SCN7A: variants seen among roughly 807,000 people sequenced by gnomAD.
SCN7A encodes the protein sodium channel protein type 7 subunit alpha.
SCN7A carries 138 observed loss-of-function variants against 155.2 expected under a neutral mutation model. The observed-to-expected ratio is 0.89, with a 90% CI of 0.77 to 1.02. SCN7A has a LOEUF of 1.02. SCN7A is among the 50% of genes least tolerant of loss of function. The probability of loss-of-function intolerance (pLI) is 0.00; values close to 1 mark genes in which losing one functional copy is unlikely to be tolerated. For synonymous variants in SCN7A, 693 were observed against 649.0 expected, an observed-to-expected ratio of 1.07 and a Z score of -1.03; for missense variants, 2,058 against 1,986.6, an observed-to-expected ratio of 1.04 and a Z score of -0.68.
At position 166,404,993 on chromosome 2, in the gene SCN7A, T is replaced by C. The variant is rs1284445971; in HGVS notation, c.*587A>G. On this transcript the variant is annotated 3_prime_UTR_variant, in exon 26 of 26. Coordinates refer to ENST00000643258, the MANE Select transcript of SCN7A (RefSeq NM_002976.4). ...CCAGTTCCAAATGAAAACAAGAACA[T>C]ACAAAAATAAACACAGAGCTTCAAC... 1 of 151,844 alleles carries C rather than the reference T, an allele frequency of 6.6e-6. No homozygotes were observed. The highest frequency in any genetic ancestry group is 2.4e-5 in the African/African-American group (1 of 41,370). 9.4% of individuals were successfully genotyped at this position (151,844 alleles called of 1,614,324 possible).
chr2:166,414,004 A>ATATAT (rs1559087806), intron 21 of SCN7A, among the ~76,000 whole-genome samples: 2 of 45,806 alleles, frequency 4.4e-5, no homozygotes, highest in East Asian at 4.1e-4. Context: ...TATATATATA[A>ATATAT]ATATACTATA....
intron 15 of SCN7A, among the ~76,000 whole-genome samples, chr2:166,433,814 T>C (rs1279062617): frequency 6.6e-6 from 1 of 152,170 alleles, no homozygotes; most frequent in Non-Finnish European, 1.5e-5. Context: ...GGAAGGTTAG[T>C]TGATTATCTG....
At chr2:166,470,571 A>G in intron 7 of SCN7A, 44 bp downstream of exon 7, 1 of 1,507,728 alleles carries the variant, frequency 6.6e-7, no homozygotes, top group Non-Finnish European at 9.1e-7. Flanking sequence ...ACATGGCAGT[A>G]CATAAAACAA....
rs1210182842 is a variant in SCN7A at position 166,447,630 on chromosome 2, T to C, written c.1369A>G (p.Thr457Ala). The C allele has an allele frequency of 1.2e-6, 2 of 1,610,344 alleles. No homozygotes were observed. The highest frequency in any genetic ancestry group is 1.3e-5 in the African/African-American group (1 of 74,976). The change falls in exon 12 of 26, where the codon ACT becomes GCT. Residue 457 changes from threonine (T) to alanine (A), a missense_variant. Transcript: ENST00000643258. ...ACTTTACCTTCCTTATGTCTGAGAG[T>C]AGCATCTTCCAACACATCCAATGAT... ...DTSLDVLEDATLRHKEELEKS... is the reference protein window; with the variant it reads ...DTSLDVLEDAALRHKEELEKS...
At position 166,409,940 on chromosome 2, in the gene SCN7A, G is replaced by C; in HGVS notation, c.3712-5C>G. ...GATGAATCCTTGGAGCTTGTTCTGT[G>C]GGTAAAATCAACAGGTGTAATAGTC... On this transcript the variant is annotated splice_polypyrimidine_tract_variant and splice_region_variant and intron_variant, in intron 24 of 25. Coordinates refer to ENST00000643258, the MANE Select transcript of SCN7A (RefSeq NM_002976.4). The C allele has an allele frequency of 6.4e-7, 1 of 1,552,292 alleles. No individual in the cohort carries two copies. The highest frequency in any genetic ancestry group is 8.7e-7 in the Non-Finnish European group (1 of 1,147,338).
intron 23 of SCN7A, among the ~76,000 whole-genome samples, chr2:166,410,858 G>A (rs1701187456): frequency 6.6e-6 from 1 of 151,766 alleles, no homozygotes; most frequent in African/African-American, 2.4e-5. Context: ...TCATTTTTGT[G>A]TTTCTAGTGC....
At chr2:166,436,744 AG>A (rs1701847637) in intron 15 of SCN7A, among the ~76,000 whole-genome samples, 1 of 152,182 alleles carries the variant, frequency 6.6e-6, no homozygotes, top group Admixed American at 6.5e-5. Flanking sequence ...GTTCAGGCTG[AG>A]GTGGTCTCAG....
Position 166,477,555 on chromosome 2 carries a change from T to G in SCN7A, c.142A>C (p.Lys48Gln), listed in dbSNP as rs1702826736. The G allele has an allele frequency of 1.3e-6, 2 of 1,570,716 alleles. No individual in the cohort carries two copies. Among genetic ancestry groups the G allele is most frequent in the Admixed American group, 1.9e-5 (1 of 53,484 alleles). Residue 48 changes from lysine (K) to glutamine (Q), a missense_variant, in exon 3 of 26, where the codon AAA becomes CAA. Coordinates refer to ENST00000643258, the MANE Select transcript of SCN7A (RefSeq NM_002976.4). ...LKPTPDLEVG[K>Q]KLPFIYGNLS... ...TTTCCATAAATAAATGGAAGCTTTT[T>G]GCCAACTTCCAAATCAGGAGTTGGC...
intron 18 of SCN7A, among the ~76,000 whole-genome samples, chr2:166,425,650 A>G (rs959923483): frequency 1.3e-5 from 2 of 152,038 alleles, no homozygotes; most frequent in African/African-American, 4.8e-5. Flanking sequence ...CTGTCTTCAA[A>G]GGATGACACC....
intron 9 of SCN7A, among the ~76,000 whole-genome samples, chr2:166,464,192 A>ATG (rs1338530055): frequency 6.6e-6 from 1 of 151,110 alleles, no homozygotes; most frequent in Non-Finnish European, 1.5e-5. Context: ...GTATATATGT[A>ATG]TGTGTGTGTA....
chr2:166,408,311 C>T (rs757545841), intron 25 of SCN7A, among the ~76,000 whole-genome samples: 1 of 152,036 alleles, frequency 6.6e-6, no homozygotes, highest in Non-Finnish European at 1.5e-5. Context: ...AATTGACTCA[C>T]TGTCTCTCAT....
chr2:166,412,885 C>T (rs571278623), intron 22 of SCN7A, among the ~76,000 whole-genome samples, 183 bp downstream of exon 22: 1 of 152,158 alleles, frequency 6.6e-6, no homozygotes, highest in Non-Finnish European at 1.5e-5. Context: ...GGTAATCTTT[C>T]AAATGGACCT....
At chr2:166,460,555 C>T (rs1271178704) in intron 10 of SCN7A, among the ~76,000 whole-genome samples, 1 of 152,062 alleles carries the variant, frequency 6.6e-6, no homozygotes, top group Non-Finnish European at 1.5e-5. Context: ...TGAACCATAG[C>T]ATTCCAGTGT....
intron 15 of SCN7A, among the ~76,000 whole-genome samples, chr2:166,434,634 C>T (rs945120131): frequency 3.3e-5 from 5 of 152,150 alleles, no homozygotes; most frequent in African/African-American, 1.2e-4. Flanking sequence ...CTCCATGGCT[C>T]CCATAGGAGC....
At position 166,441,478 on chromosome 2, in the gene SCN7A, G is replaced by T. The variant is rs1298986318; in HGVS notation, c.2075C>A (p.Thr692Asn). Residue 692 changes from threonine to asparagine, a missense_variant, in exon 15 of 26, where the codon ACC (threonine) becomes AAC (asparagine). Coordinates refer to ENST00000643258, the MANE Select transcript of SCN7A (RefSeq NM_002976.4). ...TGCAACCTCCATACAGTCCCACAAG[G>T]TCTCTACCCACTCTCCACAGAGAAT... is the stretch of plus-strand genomic sequence containing the variant. ...FRILCGEWVE[T>N]LWDCMEVAGQ... 6.2e-7 allele frequency: 1 copy of T among 1,613,876 alleles called. No homozygotes were observed. The highest frequency in any genetic ancestry group is 1.3e-5 in the African/African-American group (1 of 74,912).
Position 166,404,794 on chromosome 2 carries a change from TA to T in SCN7A, c.*785del, listed in dbSNP as rs1029859091. ...ATCATTTTAGTAAATGTATACTTTT[TA>T]AAAAAATAGGTGTAAATGAGAAGAA... On this transcript the variant is annotated 3_prime_UTR_variant, in exon 26 of 26. Transcript: ENST00000643258. 2.2e-5 allele frequency: 2 copies of T among 90,708 alleles called. No homozygotes were observed. Among genetic ancestry groups the T allele is most frequent in the Admixed American group, 1.3e-4 (1 of 7,762 alleles). 5.6% of individuals were successfully genotyped at this position (90,708 alleles called of 1,614,324 possible).
intron 2 of SCN7A, among the ~76,000 whole-genome samples, chr2:166,485,733 C>A (rs1703032465): frequency 6.6e-6 from 1 of 152,160 alleles, no homozygotes; most frequent in African/African-American, 2.4e-5. Flanking sequence ...AGTGGTCGAG[C>A]CCCACATTCT....
chr2:166,418,285 T>TTTTTTTTTTTC (rs1701434270), intron 20 of SCN7A, among the ~76,000 whole-genome samples: 7 of 81,438 alleles, frequency 8.6e-5, no homozygotes, highest in African/African-American at 3.2e-4. Context: ...CCCGCCAGGC[T>TTTTTTTTTTTC]TTTTTTTTTT....
intron 14 of SCN7A, among the ~76,000 whole-genome samples, 155 bp downstream of exon 14, chr2:166,443,348 C>T (rs1034876886): frequency 6.6e-6 from 1 of 152,184 alleles, no homozygotes; most frequent in African/African-American, 2.4e-5. Flanking sequence ...AGACTGCTTA[C>T]TCTTTCCTTG....
Sources: allele counts gnomAD v4.1 joint callset (sites outside exome capture counted in the v4.1 genomes callset), GRCh38; gene constraint gnomAD v4.1.1; transcripts MANE v1.5; gene names NCBI Gene and HGNC (gene_info 2026-07-23, HGNC 2026-07-21).